Variants in CDIN1 observed in about 807,000 individuals in gnomAD.
The protein encoded by CDIN1 is CDAN1-interacting nuclease 1.
In CDIN1, 33 loss-of-function variants were observed where a neutral mutation model predicts 45.3. The observed-to-expected ratio is 0.73, with a 90% CI of 0.55 to 0.97. The LOEUF (loss-of-function observed/expected upper bound fraction) is 0.97. Among genes scored for constraint, CDIN1 ranks in the 50% least tolerant of loss-of-function variants. The probability of loss-of-function intolerance (pLI) is 0.00; values close to 1 mark genes in which losing one functional copy is unlikely to be tolerated. For missense variants in CDIN1, 303 were observed against 339.4 expected (o/e 0.89, Z 0.84); for synonymous variants, 118 against 124.4 (o/e 0.95, Z 0.34).
chr15:36,663,468 A>G (rs2041104944), intron 5 of CDIN1, among the ~76,000 whole-genome samples: 1 of 152,038 alleles, frequency 6.6e-6, no homozygotes, highest in Non-Finnish European at 1.5e-5. Flanking sequence ...ACCCAGTAGG[A>G]GGTAATTGAA....
chr15:36,613,523 C>T, intron 1 of CDIN1: 2 of 1,535,120 alleles, frequency 1.3e-6, no homozygotes, highest in South Asian at 1.1e-5. Context: ...CCAGGTTGTG[C>T]AGCAGCAGGC....
chr15:36,707,271 T>G (rs2042900609), intron 8 of CDIN1: 1 of 152,022 alleles, frequency 6.6e-6, no homozygotes, highest in African/African-American at 2.4e-5. Flanking sequence ...ATCAGCTTCA[T>G]GTTGAGAGAG....
chr15:36,794,919 G>T (rs775001427), intron 10 of CDIN1, among the ~76,000 whole-genome samples: 1 of 152,108 alleles, frequency 6.6e-6, no homozygotes, highest in Admixed American at 6.5e-5. Context: ...AAGAAAATGT[G>T]TATGTATACA....
chr15:36,741,458 CT>C (rs541497919), intron 10 of CDIN1, among the ~76,000 whole-genome samples: 7,041 of 130,334 alleles, frequency 0.054, 370 homozygotes, highest in African/African-American at 0.15. Context: ...ATTTGAAAAG[CT>C]TTTTTTTTTT....
At chr15:36,696,015 T>A (rs1296252992) in intron 7 of CDIN1, among the ~76,000 whole-genome samples, 1 of 151,638 alleles carries the variant, frequency 6.6e-6, no homozygotes, top group Non-Finnish European at 1.5e-5. Flanking sequence ...ATGGAGGTCA[T>A]AAACATAGAC....
At chr15:36,710,218 T>C (rs770526637) in intron 10 of CDIN1, among the ~76,000 whole-genome samples, 1 of 152,164 alleles carries the variant, frequency 6.6e-6, no homozygotes, top group African/African-American at 2.4e-5. Flanking sequence ...ACAATAATAT[T>C]GGTGTCACTT....
At chr15:36,603,048 A>G (rs1327057561) in intron 1 of CDIN1, among the ~76,000 whole-genome samples, 1 of 152,162 alleles carries the variant, frequency 6.6e-6, no homozygotes, top group Non-Finnish European at 1.5e-5. Flanking sequence ...AAATATACAA[A>G]TCACACTCCT....
intron 8 of CDIN1, among the ~76,000 whole-genome samples, chr15:36,700,083 T>C (rs368977478): frequency 1.8e-4 from 27 of 152,250 alleles, no homozygotes; most frequent in African/African-American, 6.5e-4. Context: ...TTTCATGGGG[T>C]TATGGTCCAG....
chr15:36,645,829 T>A (rs1480800375), intron 3 of CDIN1, among the ~76,000 whole-genome samples: 1 of 152,156 alleles, frequency 6.6e-6, no homozygotes, highest in Non-Finnish European at 1.5e-5. Context: ...CGGTCACATT[T>A]TAAAGGGGAT....
At chr15:36,796,044 T>TA (rs1220866448) in intron 10 of CDIN1, among the ~76,000 whole-genome samples, 1 of 152,214 alleles carries the variant, frequency 6.6e-6, no homozygotes, top group Admixed American at 6.5e-5. Flanking sequence ...TATGACCTTG[T>TA]ATTGCCTTTG....
chr15:36,691,099 A>G, intron 5 of CDIN1: 1 of 508,408 alleles, frequency 2.0e-6, no homozygotes, highest in South Asian at 1.4e-5. Context: ...GATTCTCTCA[A>G]TTCAGTCAGT....
At chr15:36,751,364 A>G (rs1376985191) in intron 10 of CDIN1, among the ~76,000 whole-genome samples, 1 of 150,876 alleles carries the variant, frequency 6.6e-6, no homozygotes, top group Non-Finnish European at 1.5e-5. Flanking sequence ...ACAATGTTCT[A>G]AAAGCACCCA....
chr15:36,633,458 A>C (rs920270900), intron 1 of CDIN1, among the ~76,000 whole-genome samples: 1 of 152,150 alleles, frequency 6.6e-6, no homozygotes, highest in Non-Finnish European at 1.5e-5. Flanking sequence ...GCTGTTTGAT[A>C]CTTTATATAA....
At chr15:36,698,190 A>T (rs1356967974) in intron 8 of CDIN1, among the ~76,000 whole-genome samples, 1 of 152,236 alleles carries the variant, frequency 6.6e-6, no homozygotes, top group African/African-American at 2.4e-5. Flanking sequence ...TGGGCAAAGA[A>T]TTGGCCCAAA....
intron 10 of CDIN1, among the ~76,000 whole-genome samples, chr15:36,769,572 A>T (rs1483332559): frequency 1.3e-5 from 2 of 152,208 alleles, no homozygotes; most frequent in African/African-American, 4.8e-5. Context: ...CAACATCTGG[A>T]TTAGCATTTG....
At chr15:36,769,328 A>G (rs933615059) in intron 10 of CDIN1, among the ~76,000 whole-genome samples, 15 of 152,150 alleles carry the variant, frequency 9.9e-5, no homozygotes, top group Admixed American at 6.5e-5. Flanking sequence ...TCAGGCAGGA[A>G]TTGCTAATAT....
chr15:36,805,538 C>A (rs1440088473), intron 10 of CDIN1, among the ~76,000 whole-genome samples: 1 of 152,132 alleles, frequency 6.6e-6, no homozygotes, highest in South Asian at 2.1e-4. Context: ...TGGTTCAACC[C>A]AAAAGTCTGC....
chr15:36,639,180 T>C (rs965971257), intron 1 of CDIN1, among the ~76,000 whole-genome samples: 7 of 152,218 alleles, frequency 4.6e-5, no homozygotes, highest in African/African-American at 1.7e-4. Flanking sequence ...GTAACCACTT[T>C]TTTCATATAT....
chr15:36,644,992 C>A (rs1252939963), intron 2 of CDIN1, among the ~76,000 whole-genome samples: 1 of 152,142 alleles, frequency 6.6e-6, no homozygotes, highest in Non-Finnish European at 1.5e-5. Context: ...TACATATATA[C>A]CGTACCTTGT....
Sources: gnomAD v4.1 joint callset for allele counts (sites outside exome capture counted in the v4.1 genomes callset) on GRCh38, gnomAD v4.1.1 for gene constraint, MANE v1.5 for transcripts, NCBI Gene and HGNC (gene_info 2026-07-23, HGNC 2026-07-21) for gene names.